Variants in MCUB observed in about 807,000 individuals in gnomAD.
The protein encoded by MCUB is calcium uniporter regulatory subunit MCUb, mitochondrial.
MCUB carries 46 observed loss-of-function variants against 41.4 expected under a neutral mutation model. That is an observed-to-expected ratio of 1.11 (90% confidence interval 0.88 to 1.42). The LOEUF (loss-of-function observed/expected upper bound fraction) is 1.42, where lower values mean the gene tolerates loss of function less well. Ranked by LOEUF, MCUB falls within the 40% of genes most tolerant of loss-of-function variation. The probability of loss-of-function intolerance (pLI) is 0.00; values close to 1 mark genes in which losing one functional copy is unlikely to be tolerated. For missense variants in MCUB, 403 were observed against 404.9 expected (o/e 1.00, Z 0.04); for synonymous variants, 148 against 148.2 (o/e 1.00, Z 0.01).
intron 1 of MCUB, among the ~76,000 whole-genome samples, chr4:109,658,248 T>C (rs1729148380): frequency 6.6e-6 from 1 of 152,214 alleles, no homozygotes; most frequent in African/African-American, 2.4e-5. Flanking sequence ...CTGAGGATCT[T>C]GTTAAAATGC....
intron 1 of MCUB, among the ~76,000 whole-genome samples, chr4:109,593,913 A>C (rs1727496094): frequency 6.6e-6 from 1 of 152,132 alleles, no homozygotes; most frequent in African/African-American, 2.4e-5. Flanking sequence ...GTCTGTGTAA[A>C]TTTTCCTAGT....
chr4:109,568,810 G>C (rs1353025207), intron 1 of MCUB, among the ~76,000 whole-genome samples: 1 of 152,076 alleles, frequency 6.6e-6, no homozygotes, highest in African/African-American at 2.4e-5. Flanking sequence ...CTCTGCCCTG[G>C]CACAGTAGGT....
At chr4:109,561,073 T>TGGA (rs10675296) in intron 1 of MCUB, 43,944 of 151,888 alleles carry the variant, frequency 0.29, 10,049 homozygotes, top group African/African-American at 0.65. Context: ...AACCGTGGCT[T>TGGA]GGAGGAGTAG....
Position 109,680,100 on chromosome 4 carries a change from C to T in MCUB, c.452-2482C>T, listed in dbSNP as rs562133738. ...TACAGGCGTGAACCACCTCACCTGGCCTGAGGGTATAAATTTTTTATCACC... is the reference window on the plus strand; with the variant it reads ...TACAGGCGTGAACCACCTCACCTGGTCTGAGGGTATAAATTTTTTATCACC... On this transcript the variant is annotated intron_variant, in intron 4 of 7. Coordinates refer to ENST00000394650, the MANE Select transcript of MCUB (RefSeq NM_017918.5). Among the ~76,000 whole-genome samples, 7 of 152,232 alleles carry T rather than the reference C, an allele frequency of 4.6e-5. No individual in the cohort carries two copies. In the South Asian group the frequency reaches 1.0e-3, roughly 23 times the overall value.
intron 1 of MCUB, among the ~76,000 whole-genome samples, chr4:109,597,770 C>G (rs1423554373): frequency 6.7e-6 from 1 of 150,086 alleles, no homozygotes; most frequent in Non-Finnish European, 1.5e-5. Context: ...GGGTGGCTGC[C>G]GGGCGGAGAG....
At chr4:109,585,207 T>G (rs933850093) in intron 1 of MCUB, among the ~76,000 whole-genome samples, 4 of 152,210 alleles carry the variant, frequency 2.6e-5, no homozygotes, top group Non-Finnish European at 5.9e-5. Flanking sequence ...GGCAATGGCC[T>G]TCTTTGTCTC....
intron 1 of MCUB, among the ~76,000 whole-genome samples, chr4:109,658,761 G>A (rs182540314): frequency 1.6e-3 from 237 of 152,170 alleles, no homozygotes; most frequent in African/African-American, 5.2e-3. Context: ...ATTTTCAGGG[G>A]GCCTCATACC....
intron 1 of MCUB, among the ~76,000 whole-genome samples, chr4:109,631,510 T>C (rs1257723931): frequency 2.0e-5 from 3 of 152,216 alleles, no homozygotes; most frequent in African/African-American, 7.2e-5. Context: ...AATATATGCT[T>C]TGGACACAAT....
intron 1 of MCUB, among the ~76,000 whole-genome samples, chr4:109,645,890 AT>A (rs1359797790): frequency 6.6e-6 from 1 of 152,032 alleles, no homozygotes; most frequent in African/African-American, 2.4e-5. Flanking sequence ...AAACAAACAG[AT>A]GTTTTCCCTT....
chr4:109,612,892 G>A (rs1032648390), intron 1 of MCUB, among the ~76,000 whole-genome samples: 23 of 152,120 alleles, frequency 1.5e-4, no homozygotes, highest in African/African-American at 5.6e-4. Context: ...GGATCACAAG[G>A]TCAGGAGATC....
At chr4:109,613,065 C>T (rs1354168216) in intron 1 of MCUB, among the ~76,000 whole-genome samples, 1 of 151,960 alleles carries the variant, frequency 6.6e-6, no homozygotes, top group African/African-American at 2.4e-5. Context: ...GAGATCACAC[C>T]ACTGCACTCC....
intron 1 of MCUB, among the ~76,000 whole-genome samples, chr4:109,634,034 T>G (rs565576517): frequency 1.3e-5 from 2 of 152,300 alleles, no homozygotes; most frequent in South Asian, 4.1e-4. Context: ...CCAAGGAGAA[T>G]TTAAATCTCA....
intron 1 of MCUB, among the ~76,000 whole-genome samples, chr4:109,578,702 C>T (rs1258050781): frequency 6.6e-6 from 1 of 152,064 alleles, no homozygotes; most frequent in Non-Finnish European, 1.5e-5. Flanking sequence ...GAGACAAGGT[C>T]TCACTGTGTT....
chr4:109,632,117 A>G (rs1367383058), intron 1 of MCUB, among the ~76,000 whole-genome samples: 2 of 152,218 alleles, frequency 1.3e-5, no homozygotes, highest in Non-Finnish European at 2.9e-5. Flanking sequence ...CAAAACTGAA[A>G]TAATACATCC....
chr4:109,590,152 T>A (rs1727398124), intron 1 of MCUB, among the ~76,000 whole-genome samples: 1 of 151,430 alleles, frequency 6.6e-6, no homozygotes, highest in Non-Finnish European at 1.5e-5. Flanking sequence ...ATTAGAATTA[T>A]GCTAGAAATA....
At chr4:109,628,595 A>G (rs1221763931) in intron 1 of MCUB, among the ~76,000 whole-genome samples, 1 of 152,230 alleles carries the variant, frequency 6.6e-6, no homozygotes, top group African/African-American at 2.4e-5. Context: ...GTTTATTTTG[A>G]AAGCAGATTT....
At chr4:109,597,608 C>T (rs1176426797) in intron 1 of MCUB, among the ~76,000 whole-genome samples, 9 of 129,146 alleles carry the variant, frequency 7.0e-5, no homozygotes, top group South Asian at 2.5e-4. Context: ...CCTCACCTCC[C>T]GGATGGGGCA....
intron 4 of MCUB, among the ~76,000 whole-genome samples, chr4:109,667,739 T>C (rs1393861673): frequency 6.6e-6 from 1 of 151,396 alleles, no homozygotes; most frequent in Non-Finnish European, 1.5e-5. Context: ...TCTTAAAGTA[T>C]AAGTTCAGAT....
chr4:109,594,960 A>G (rs1028855388), intron 1 of MCUB, among the ~76,000 whole-genome samples: 1 of 152,022 alleles, frequency 6.6e-6, no homozygotes, highest in African/African-American at 2.4e-5. Context: ...CCTGCACACC[A>G]GTTCCAAGAA....
Sources: allele counts gnomAD v4.1 joint callset (sites outside exome capture counted in the v4.1 genomes callset), GRCh38; gene constraint gnomAD v4.1.1; transcripts MANE v1.5; gene names NCBI Gene and HGNC (gene_info 2026-07-23, HGNC 2026-07-21).